OR2L13: variants seen among roughly 807,000 people sequenced by gnomAD.
The protein encoded by OR2L13 is olfactory receptor 2L13.
A neutral mutation model predicts 15.3 loss-of-function variants in OR2L13; 14 were observed. The observed-to-expected ratio is 0.91, with a 90% CI of 0.60 to 1.43. OR2L13 has a LOEUF of 1.43. Among genes scored for constraint, OR2L13 ranks in the 40% most tolerant of loss-of-function variants. OR2L13 has a pLI of 0.00. For synonymous variants in OR2L13, 152 were observed against 142.9 expected, an observed-to-expected ratio of 1.06 and a Z score of -0.45; for missense variants, 367 against 387.9, an observed-to-expected ratio of 0.95 and a Z score of 0.45.
chr1:248,048,921 C>CTT, the OR2L13 span, among the ~76,000 whole-genome samples: 3,383 of 141,946 alleles, frequency 0.024, 148 homozygotes, highest in African/African-American at 0.09. Context: ...TTTTCTCTCT[C>CTT]TCTTTTTTTT....
At chr1:247,972,156 A>G in the OR2L13 span, among the ~76,000 whole-genome samples, 1 of 150,842 alleles carries the variant, frequency 6.6e-6, no homozygotes, top group Non-Finnish European at 1.5e-5. Context: ...AAATGCCCAC[A>G]TTAGAAAAGG....
chr1:247,978,879 T>A, the OR2L13 span, among the ~76,000 whole-genome samples: 1 of 152,066 alleles, frequency 6.6e-6, no homozygotes, highest in Admixed American at 6.5e-5. Flanking sequence ...GTCTTGGTGG[T>A]CCCCTGAAGA....
the OR2L13 span, among the ~76,000 whole-genome samples, chr1:248,067,209 T>C: frequency 1.3e-5 from 2 of 152,206 alleles, no homozygotes; most frequent in Admixed American, 6.5e-5. Flanking sequence ...GCATAAAGTG[T>C]ATTGAAAATC....
At chr1:247,988,247 T>C in the OR2L13 span, among the ~76,000 whole-genome samples, 3 of 152,040 alleles carry the variant, frequency 2.0e-5, no homozygotes, top group Non-Finnish European at 2.9e-5. Flanking sequence ...TTTCTCTCTC[T>C]TCTAATTTTC....
the OR2L13 span, among the ~76,000 whole-genome samples, chr1:247,957,392 G>T: frequency 4.9e-4 from 74 of 152,278 alleles, no homozygotes; most frequent in South Asian, 0.015. Context: ...AGGGATATTG[G>T]TCTAAAATTC....
the OR2L13 span, among the ~76,000 whole-genome samples, chr1:248,044,492 G>C: frequency 2.0e-4 from 30 of 152,168 alleles, no homozygotes; most frequent in Middle Eastern, 6.8e-3. Context: ...AGCTCATCAC[G>C]CATCCGGACT....
At chr1:248,003,770 T>G in the OR2L13 span, 72,069 of 1,557,524 alleles carry the variant, frequency 0.046, 1,235 homozygotes, top group East Asian at 0.15. Flanking sequence ...CATTGCTATT[T>G]CATGTTCCTA....
the OR2L13 span, among the ~76,000 whole-genome samples, chr1:248,009,061 A>G: frequency 1.3e-5 from 2 of 152,196 alleles, no homozygotes; most frequent in African/African-American, 2.4e-5. Flanking sequence ...AATTTATAGC[A>G]CTAAATGCCC....
the OR2L13 span, chr1:247,990,363 GT>G: frequency 1.9e-6 from 3 of 1,551,238 alleles, no homozygotes; most frequent in Non-Finnish European, 2.7e-6. Flanking sequence ...CATTAATTTC[GT>G]TTTCCTAATG....
chr1:247,987,558 G>A, the OR2L13 span, among the ~76,000 whole-genome samples: 2 of 152,134 alleles, frequency 1.3e-5, no homozygotes, highest in Non-Finnish European at 2.9e-5. Flanking sequence ...GTAATGCATA[G>A]ACATGGTGTC....
upstream of OR2L13, among the ~76,000 whole-genome samples, chr1:248,093,899 T>A (rs554513243): frequency 9.8e-5 from 15 of 152,296 alleles, no homozygotes; most frequent in Non-Finnish European, 1.5e-4. Context: ...GTAGAATGAC[T>A]GTTACCAGAG....
chr1:247,983,789 C>T, the OR2L13 span, among the ~76,000 whole-genome samples: 4 of 152,154 alleles, frequency 2.6e-5, no homozygotes, highest in Admixed American at 6.5e-5. Flanking sequence ...GTCCAATTAA[C>T]GAGAACAAGG....
the OR2L13 span, among the ~76,000 whole-genome samples, chr1:248,072,018 G>A: frequency 6.6e-6 from 1 of 151,414 alleles, no homozygotes; most frequent in Non-Finnish European, 1.5e-5. Flanking sequence ...CTCATGGGTA[G>A]GAAGAATCAA....
At chr1:248,099,606 C>T (rs184162079) in exon 3 of OR2L13, 4 of 1,614,092 alleles carry the variant, frequency 2.5e-6, no homozygotes, top group African/African-American at 2.7e-5. Flanking sequence ...CCACCACCGT[C>T]CCCAAGATGG....
the OR2L13 span, among the ~76,000 whole-genome samples, chr1:248,075,266 C>T: frequency 1.3e-5 from 2 of 152,120 alleles, no homozygotes; most frequent in Non-Finnish European, 2.9e-5. Flanking sequence ...TTAATGCAGT[C>T]TATCACTGAT....
At chr1:247,938,120 T>C in the OR2L13 span, among the ~76,000 whole-genome samples, 1 of 152,118 alleles carries the variant, frequency 6.6e-6, no homozygotes, top group Admixed American at 6.5e-5. Context: ...AAATAAGCAA[T>C]TATTATATAT....
At chr1:248,003,899 A>G in the OR2L13 span, 5 of 1,612,744 alleles carry the variant, frequency 3.1e-6, no homozygotes, top group Admixed American at 3.3e-5. Flanking sequence ...TTTTGTCTAC[A>G]CCTATCTACG....
chr1:248,076,298 TC>T, the OR2L13 span, among the ~76,000 whole-genome samples: 1 of 152,234 alleles, frequency 6.6e-6, no homozygotes, highest in South Asian at 2.1e-4. Flanking sequence ...CCAGCTTTGT[TC>T]TTTTTGCTTA....
chr1:248,004,308 T>C, the OR2L13 span, among the ~76,000 whole-genome samples: 70 of 152,366 alleles, frequency 4.6e-4, no homozygotes, highest in African/African-American at 1.5e-3. Context: ...CAAAATATTG[T>C]CAATGAGAAT....
Sources: allele counts gnomAD v4.1 joint callset (sites outside exome capture counted in the v4.1 genomes callset), GRCh38; gene constraint gnomAD v4.1.1; transcripts MANE v1.5; gene names NCBI Gene and HGNC (gene_info 2026-07-23, HGNC 2026-07-21).